Variants in ACSM2B observed in about 807,000 individuals in gnomAD.
The protein encoded by ACSM2B is acyl-coenzyme A synthetase ACSM2B, mitochondrial.
A neutral mutation model predicts 78.6 loss-of-function variants in ACSM2B; 58 were observed. The ratio of observed to expected loss-of-function variants is 0.74; its 90% CI spans 0.60 to 0.92. The LOEUF is 0.92. Among genes scored for constraint, ACSM2B ranks in the 40% least tolerant of loss-of-function variants. The probability of loss-of-function intolerance (pLI) is 0.00; values close to 1 mark genes in which losing one functional copy is unlikely to be tolerated. For missense variants in ACSM2B, 688 were observed against 711.2 expected, an observed-to-expected ratio of 0.97 and a Z score of 0.37; for synonymous variants, 257 against 256.8, an observed-to-expected ratio of 1.00 and a Z score of -0.01.
chr16:20,542,826 A>G, intron 12 of ACSM2B, 88 bp downstream of exon 12: 7 of 1,531,736 alleles, frequency 4.6e-6, no homozygotes, highest in Non-Finnish European at 6.2e-6. Context: ...CAGAGTGTTC[A>G]GCCCCACAGT....
At chr16:20,557,520 C>T (rs2015511945) in intron 3 of ACSM2B, among the ~76,000 whole-genome samples, 1 of 152,240 alleles carries the variant, frequency 6.6e-6, no homozygotes, top group African/African-American at 2.4e-5. Context: ...CTATTGCCTT[C>T]CTCATCCCAT....
intron 1 of ACSM2B, among the ~76,000 whole-genome samples, chr16:20,570,049 A>G (rs901288682): frequency 6.6e-6 from 1 of 151,768 alleles, no homozygotes; most frequent in African/African-American, 2.4e-5. Flanking sequence ...GAGGACATTT[A>G]TTTCTTTCTC....
At chr16:20,567,942 T>G (rs1378370525) in intron 1 of ACSM2B, among the ~76,000 whole-genome samples, 1 of 143,500 alleles carries the variant, frequency 7.0e-6, no homozygotes, top group African/African-American at 2.5e-5. Context: ...TAGAAATTTA[T>G]ATATTTGTAC....
intron 1 of ACSM2B, among the ~76,000 whole-genome samples, chr16:20,568,714 C>T (rs2016006570): frequency 6.6e-6 from 1 of 151,774 alleles, no homozygotes; most frequent in Non-Finnish European, 1.5e-5. Flanking sequence ...TTCACCACAT[C>T]CACACCAACA....
At chr16:20,549,810 G>A (rs1249451274) in intron 6 of ACSM2B, 53 of 449,222 alleles carry the variant, frequency 1.2e-4, no homozygotes, top group East Asian at 5.0e-4. Flanking sequence ...AACTTGAAGC[G>A]GGGGCTTCCA....
intron 1 of ACSM2B, among the ~76,000 whole-genome samples, chr16:20,567,401 A>T (rs1661827517): frequency 8.4e-6 from 1 of 119,088 alleles, no homozygotes; most frequent in African/African-American, 3.4e-5. Flanking sequence ...CATATACAAT[A>T]TATTATATAA....
rs201967054 is a variant in ACSM2B, at chr16:20,543,254, G to C, written c.1290C>G (p.Pro430=). 6.2e-7 allele frequency: 1 copy of C among 1,609,134 alleles called. No homozygotes were observed. The highest frequency in any genetic ancestry group is 8.5e-7 in the Non-Finnish European group (1 of 1,179,854). Residue 430 remains proline, a synonymous_variant, in exon 11 of 14, where the codon CCC becomes CCG. Coordinates refer to ENST00000329697, the MANE Select transcript of ACSM2B (RefSeq NM_001105069.2). ...CTCGAATGTTGGCTGCTGTCTTGTC[G>C]GGATTTTCCTGGTGACCACAGAAAG... ...IGIFSGYVEN[P]DKTAANIRGD...
intron 4 of ACSM2B, among the ~76,000 whole-genome samples, chr16:20,554,864 C>T (rs991260053): frequency 6.6e-6 from 1 of 152,212 alleles, no homozygotes; most frequent in African/African-American, 2.4e-5. Flanking sequence ...GAGTGATTCA[C>T]TTTGTGCCCC....
At chr16:20,552,543 T>C (rs1256799100) in intron 5 of ACSM2B, among the ~76,000 whole-genome samples, 1 of 152,148 alleles carries the variant, frequency 6.6e-6, no homozygotes, top group Non-Finnish European at 1.5e-5. Context: ...TGACTTAATA[T>C]ATAATTGGGT....
At chr16:20,554,436 A>G (rs2015408372) in intron 4 of ACSM2B, among the ~76,000 whole-genome samples, 1 of 152,142 alleles carries the variant, frequency 6.6e-6, no homozygotes, top group African/African-American at 2.4e-5. Flanking sequence ...GAACCTTTAA[A>G]AGCAGGCATG....
rs2015892246 is a variant in ACSM2B, at chr16:20,566,735, T to A, written c.-8-1882A>T. Among the ~76,000 whole-genome samples the A allele has an allele frequency of 6.6e-4, 8 of 12,062 alleles. 2 individuals are homozygous for A. The South Asian group carries it at 0.022, about 34-fold the overall frequency. The allele number at this position is 12,062 out of a possible 152,430, so 7.9% of individuals were successfully genotyped here. A position where few individuals can be genotyped will look rare whatever the true frequency, so the allele number is the denominator to read the frequency against. ...TATATATAGTATATACTATATATAG[T>A]ATATACTATATATACTATATATAGT... On this transcript the variant is annotated intron_variant, in intron 1 of 13. Coordinates refer to ENST00000329697, the MANE Select transcript of ACSM2B (RefSeq NM_001105069.2).
chr16:20,566,247 T>TTTTATATATATATA lies in ACSM2B; in HGVS notation c.-8-1395_-8-1394insTATATATATATAAA, dbSNP rs1491507567. ...CATACCATACTGCCTTCATGGAAGATTATATATATATATATATATATATAT... is the reference window on the plus strand; with the variant it reads ...CATACCATACTGCCTTCATGGAAGATTTTATATATATATATATATATATATATATATATATATAT... On this transcript the variant is annotated intron_variant, in intron 1 of 13. Transcript: ENST00000329697. Among the ~76,000 whole-genome samples the TTTTATATATATATA allele has an allele frequency of 8.1e-4, 57 of 69,964 alleles. 1 individual carries two copies. The highest frequency in any genetic ancestry group is 4.2e-3 in the East Asian group (15 of 3,540). 45.9% of individuals were successfully genotyped at this position (69,964 alleles called of 152,430 possible). A position where few individuals can be genotyped will look rare whatever the true frequency, so the allele number is the denominator to read the frequency against.
At chr16:20,549,724 A>G in intron 6 of ACSM2B, 1 of 442,604 alleles carries the variant, frequency 2.3e-6, no homozygotes, top group South Asian at 1.6e-5. Flanking sequence ...CTTTGGTTTT[A>G]TACATTTTAG....
intron 3 of ACSM2B, among the ~76,000 whole-genome samples, chr16:20,559,035 T>C (rs1567213844): frequency 2.0e-5 from 3 of 152,214 alleles, no homozygotes; most frequent in Non-Finnish European, 4.4e-5. Context: ...GTAAACTATG[T>C]CATTGTTGTT....
In ACSM2B at chr16:20,548,386, C is replaced by T. The variant is rs542777805; in HGVS notation, c.974+8G>A. Reference sequence around the variant, plus strand: ...AGACTCTCTTACCAATCCTCAAAGCCCCATCACCTGGAAAGATCCTGCTGT... The same window carrying T: ...AGACTCTCTTACCAATCCTCAAAGCTCCATCACCTGGAAAGATCCTGCTGT... On this transcript the variant is annotated splice_region_variant and intron_variant, in intron 7 of 13. Coordinates refer to ENST00000329697, the MANE Select transcript of ACSM2B (RefSeq NM_001105069.2). The T allele has an allele frequency of 1.2e-6, 2 of 1,613,518 alleles. No individual in the cohort carries two copies. The highest frequency in any genetic ancestry group is 1.3e-5 in the African/African-American group (1 of 74,862).
Position 20,554,229 on chromosome 16 carries a change from G to T in ACSM2B, c.597-309C>A. ...TAGAGTTATTGAGAAAGTTAACTCTGCCACCAAAGAAATGAGCAACTTGCT... is the reference window on the plus strand; with the variant it reads ...TAGAGTTATTGAGAAAGTTAACTCTTCCACCAAAGAAATGAGCAACTTGCT... On this transcript the variant is annotated intron_variant, in intron 4 of 13. Coordinates refer to ENST00000329697, the MANE Select transcript of ACSM2B (RefSeq NM_001105069.2). 3 of 505,498 alleles carry T rather than the reference G, an allele frequency of 5.9e-6. No individual in the cohort carries two copies. The East Asian group carries it at 1.5e-4, about 25-fold the overall frequency. The allele number at this position is 505,498 out of a possible 1,614,324, so 31.3% of individuals were successfully genotyped here.
chr16:20,570,275 G>A (rs1441292799), intron 1 of ACSM2B, among the ~76,000 whole-genome samples: 1 of 151,772 alleles, frequency 6.6e-6, no homozygotes, highest in African/African-American at 2.4e-5. Context: ...ATAAGAGGAT[G>A]CTGGATTTTT....
chr16:20,552,432 T>C, intron 5 of ACSM2B, 135 bp from the exon 6 acceptor site: 8 of 1,282,862 alleles, frequency 6.2e-6, no homozygotes, highest in Non-Finnish European at 8.4e-6. Flanking sequence ...TTTATAGGCA[T>C]ATGTTTAAGT....
intron 3 of ACSM2B, among the ~76,000 whole-genome samples, chr16:20,558,893 C>T (rs1008300353): frequency 2.8e-4 from 42 of 152,210 alleles, no homozygotes; most frequent in African/African-American, 1.0e-3. Context: ...CTGCAGGTCA[C>T]AGTCTACCAA....
Sources: gnomAD v4.1 joint callset for allele counts (sites outside exome capture counted in the v4.1 genomes callset) on GRCh38, gnomAD v4.1.1 for gene constraint, MANE v1.5 for transcripts, NCBI Gene and HGNC (gene_info 2026-07-23, HGNC 2026-07-21) for gene names.